Variants in ZNF341 observed in about 807,000 individuals in gnomAD.
The protein encoded by ZNF341 is zinc finger protein 341.
A neutral mutation model predicts 87.7 loss-of-function variants in ZNF341; 52 were observed. The observed-to-expected ratio is 0.59, with a 90% confidence interval of 0.47 to 0.75. The LOEUF (loss-of-function observed/expected upper bound fraction) is 0.75, where lower values mean the gene tolerates loss of function less well. Among genes scored for constraint, ZNF341 ranks in the 30% least tolerant of loss-of-function variants. The probability of loss-of-function intolerance (pLI) is 0.00; values close to 1 mark genes in which losing one functional copy is unlikely to be tolerated. For synonymous variants in ZNF341, 459 were observed against 472.7 expected, an observed-to-expected ratio of 0.97 and a Z score of 0.38; for missense variants, 977 against 1,145.9, an observed-to-expected ratio of 0.85 and a Z score of 2.13.
intron 9 of ZNF341, among the ~76,000 whole-genome samples, 153 bp from the exon 10 acceptor site, chr20:33,769,931 A>G (rs2019489584): frequency 6.6e-6 from 1 of 152,100 alleles, no homozygotes; most frequent in Non-Finnish European, 1.5e-5. Context: ...GAATGAATGA[A>G]TAAAAACCCT....
Position 33,732,863 on chromosome 20 carries a change from G to A in ZNF341, c.31+811G>A, listed in dbSNP as rs554054979. 5.3e-4 allele frequency among the ~76,000 whole-genome samples: 81 copies of A among 152,306 alleles called. No individual in the cohort carries two copies. The highest frequency in any genetic ancestry group is 1.9e-3 in the African/African-American group (77 of 41,570). ...ATCTGCTGGGCGTCGGGGAGGAAGG[G>A]CAGCCTTAGCGACTCGGGGCCATGG... is the stretch of plus-strand genomic sequence containing the variant. On this transcript the variant is annotated intron_variant, in intron 1 of 14. Coordinates refer to ENST00000375200, the MANE Select transcript of ZNF341 (RefSeq NM_001282933.2). This position sits in a 1 kb window ranked among gnomAD's most constrained non-coding sequence, Gnocchi z 4.5.
chr20:33,736,312 C>T (rs528273482), intron 1 of ZNF341, among the ~76,000 whole-genome samples: 68 of 152,016 alleles, frequency 4.5e-4, no homozygotes, highest in African/African-American at 7.2e-4. Flanking sequence ...CAGAGAAAGA[C>T]GCCTGACCTA....
At chr20:33,776,979 G>C (rs1476690108) in intron 10 of ZNF341, among the ~76,000 whole-genome samples, 1 of 151,834 alleles carries the variant, frequency 6.6e-6, no homozygotes, top group African/African-American at 2.4e-5. Context: ...TAAAAACAAG[G>C]ATAACCTCTT....
At position 33,791,032 on chromosome 20, in the gene ZNF341, C is replaced by T. The variant is rs558354739; in HGVS notation, c.2080C>T (p.Arg694Cys). ...KCALCSKSFS[R>C]RAHLAEHQRA... ...CGCCCTGTGCAGCAAGTCCTTCAGC[C>T]GCCGTGCCCACCTCGCCGAGCATCA... The change falls in exon 15 of 15, where the codon CGC becomes TGC. Residue 694 changes from arginine (R) to cysteine (C), a missense_variant. Around this residue, in one of 3 missense-constraint regions of ZNF341, gnomAD observed 241 missense variants for 335.0 expected, o/e 0.72. Coordinates refer to ENST00000375200, the MANE Select transcript of ZNF341 (RefSeq NM_001282933.2). 84 of 1,613,436 alleles carry T rather than the reference C, an allele frequency of 5.2e-5. No individual in the cohort carries two copies. In the South Asian group the frequency reaches 6.9e-4, roughly 13 times the overall value.
intron 11 of ZNF341, among the ~76,000 whole-genome samples, chr20:33,781,994 A>G: frequency 6.6e-6 from 1 of 151,722 alleles, no homozygotes; most frequent in East Asian, 1.9e-4. Flanking sequence ...TTTTTTGTAG[A>G]GATAGGGCTC....
At chr20:33,748,794 G>T in intron 3 of ZNF341, 129 bp from the exon 4 acceptor site, 2 of 884,936 alleles carry the variant, frequency 2.3e-6, no homozygotes, top group Non-Finnish European at 1.7e-6. Context: ...CCAGAACCTG[G>T]ATCTTTTGTG....
At chr20:33,769,890 G>A (rs919714233) in intron 9 of ZNF341, among the ~76,000 whole-genome samples, 194 bp from the exon 10 acceptor site, 3 of 152,170 alleles carry the variant, frequency 2.0e-5, no homozygotes, top group Admixed American at 6.5e-5. Flanking sequence ...CAGCCTGGGC[G>A]ATAGAGTGCG....
At chr20:33,757,493 TG>T (rs2122676210) in intron 6 of ZNF341, 150 bp downstream of exon 6, 1 of 746,790 alleles carries the variant, frequency 1.3e-6, no homozygotes, top group African/African-American at 1.8e-5. Context: ...GATAGAATTT[TG>T]TTTCTCTCCT....
intron 10 of ZNF341, among the ~76,000 whole-genome samples, chr20:33,775,207 G>GTTT (rs1251152193): frequency 6.7e-6 from 1 of 149,590 alleles, no homozygotes; most frequent in African/African-American, 2.5e-5. Context: ...AGTTGAAAGG[G>GTTT]TTTTGTTTTT....
intron 1 of ZNF341, among the ~76,000 whole-genome samples, chr20:33,733,302 T>C (rs1354636646): frequency 6.8e-6 from 1 of 147,168 alleles, no homozygotes; most frequent in Non-Finnish European, 1.5e-5. Context: ...CACTGCAACC[T>C]CCGCTTCCCG....
intron 8 of ZNF341, among the ~76,000 whole-genome samples, chr20:33,764,022 T>C (rs867118315): frequency 9.1e-4 from 128 of 141,218 alleles, no homozygotes; most frequent in Middle Eastern, 3.6e-3. Context: ...ATCTCTCTCT[T>C]TTTTTTTTTT....
chr20:33,775,543 TC>T (rs1327675195), intron 10 of ZNF341, among the ~76,000 whole-genome samples: 3 of 150,746 alleles, frequency 2.0e-5, no homozygotes, highest in African/African-American at 7.3e-5. Flanking sequence ...ATTATCTACT[TC>T]AAAAACTATA....
chr20:33,748,722 T>C (rs149989255), intron 3 of ZNF341, among the ~76,000 whole-genome samples: 102 of 152,206 alleles, frequency 6.7e-4, no homozygotes, highest in African/African-American at 2.4e-3. Flanking sequence ...GTAGAGTGAC[T>C]TGCCCAGGGT....
chr20:33,781,903 C>G (rs1415502489), intron 11 of ZNF341, among the ~76,000 whole-genome samples: 1 of 152,004 alleles, frequency 6.6e-6, no homozygotes, highest in Non-Finnish European at 1.5e-5. Context: ...TGGTCTCAAA[C>G]TCCTGGGCTT....
Position 33,732,317 on chromosome 20 carries a change from T to C in ZNF341, c.31+265T>C, listed in dbSNP as rs6141419. On this transcript the variant is annotated intron_variant, in intron 1 of 14. Transcript: ENST00000375200. This position sits in a 1 kb window ranked among gnomAD's most constrained non-coding sequence, Gnocchi z 4.5. ...GGAACAGCGCCAGCCTGGGCGGCCT[T>C]GGGCGGGCGCGGGAGGGGCTCCCTG... is the stretch of plus-strand genomic sequence containing the variant. Among the ~76,000 whole-genome samples, 55,399 of 149,880 alleles carry C rather than the reference T, an allele frequency of 0.37. 12,282 individuals are homozygous for C. The highest frequency in any genetic ancestry group is 0.7 in the East Asian group (3,514 of 5,038).
chr20:33,735,065 C>T (rs1259075386), intron 1 of ZNF341, among the ~76,000 whole-genome samples: 1 of 152,106 alleles, frequency 6.6e-6, no homozygotes, highest in Non-Finnish European at 1.5e-5. Context: ...CACTCTCACT[C>T]TGTCACCCAA....
chr20:33,789,078 C>CA, intron 13 of ZNF341, 104 bp downstream of exon 13: 2 of 608,092 alleles, frequency 3.3e-6, no homozygotes, highest in Admixed American at 3.2e-5. Flanking sequence ...CAGGCCTCTC[C>CA]TTTTTTTTTT....
At chr20:33,774,117 TAAAAAAAAA>T (rs60445142) in intron 10 of ZNF341, among the ~76,000 whole-genome samples, 23 of 100,092 alleles carry the variant, frequency 2.3e-4, no homozygotes, top group Non-Finnish European at 1.9e-5. Flanking sequence ...CTGTCTCTAC[TAAAAAAAAA>T]AAAAAAAAAA....
chr20:33,756,996 TGGCTTGGGTGACCG>T (rs2019189409), intron 5 of ZNF341, 138 bp from the exon 6 acceptor site: 1 of 559,424 alleles, frequency 1.8e-6, no homozygotes, highest in South Asian at 5.0e-5. Flanking sequence ...AGCTTGGGAG[TGGCTTGGGTGACCG>T]GGCCAGGTGG....
Sources: gnomAD v4.1 joint callset for allele counts (sites outside exome capture counted in the v4.1 genomes callset) on GRCh38, gnomAD v4.1.1 for gene constraint, gnomAD v4.1.1 regional missense constraint, Gnocchi (gnomAD v3.1) non-coding constraint, MANE v1.5 for transcripts, NCBI Gene and HGNC (gene_info 2026-07-23, HGNC 2026-07-21) for gene names.